The following ERBB4 variants were observed in gnomAD, a reference collection of about 807,000 sequenced individuals.
ERBB4 encodes the protein erb-b2 receptor tyrosine kinase 4, also known as receptor tyrosine-protein kinase erbB-4.
In ERBB4, 42 loss-of-function variants were observed where a neutral mutation model predicts 158.0. That is an observed-to-expected ratio of 0.27 (90% CI 0.21 to 0.34). The LOEUF is 0.34. ERBB4 is among the 10% of genes least tolerant of loss of function. The pLI, the probability that ERBB4 is intolerant of heterozygous loss-of-function variation, is 1.00. For synonymous variants in ERBB4, 583 were observed against 558.7 expected, an observed-to-expected ratio of 1.04 and a Z score of -0.61; for missense variants, 1,333 against 1,624.1, an observed-to-expected ratio of 0.82 and a Z score of 3.08.
chr2:212,015,073 TATATATATATATATATATA>T (rs2076490564), intron 2 of ERBB4, among the ~76,000 whole-genome samples: 1 of 1,178 alleles, frequency 8.5e-4, no homozygotes, highest in African/African-American at 1.0e-3. Context: ...TATATATATA[TATATATATATATATATATA>T]TATATATATA....
At chr2:212,065,683 G>T (rs1453559588) in intron 2 of ERBB4, among the ~76,000 whole-genome samples, 1 of 151,936 alleles carries the variant, frequency 6.6e-6, no homozygotes, top group Non-Finnish European at 1.5e-5. Flanking sequence ...TGTCTATAAT[G>T]ACTTAAACAG....
chr2:211,672,058 T>C (rs928432532), intron 14 of ERBB4, among the ~76,000 whole-genome samples: 5 of 152,188 alleles, frequency 3.3e-5, no homozygotes, highest in Admixed American at 6.5e-5. Context: ...GGTCGTCCTC[T>C]GAACTGGCCA....
intron 20 of ERBB4, among the ~76,000 whole-genome samples, chr2:211,520,388 G>C (rs976403789): frequency 6.6e-6 from 1 of 152,096 alleles, no homozygotes; most frequent in African/African-American, 2.4e-5. Flanking sequence ...CAATAAAGAA[G>C]AGATTATGTA....
intron 3 of ERBB4, among the ~76,000 whole-genome samples, chr2:211,946,576 C>CTTTTTTTTTTTTTTTTTTTTTTTT: frequency 2.0e-5 from 1 of 49,586 alleles, no homozygotes. Context: ...AATTAGCTCT[C>CTTTTTTTTTTTTTTTTTTTTTTTT]TTTTTTTTTT....
intron 20 of ERBB4, among the ~76,000 whole-genome samples, chr2:211,550,596 A>ATATATATATAT (rs2067063744): frequency 8.0e-6 from 1 of 124,440 alleles, no homozygotes; most frequent in Non-Finnish European, 1.6e-5. Flanking sequence ...TATATATATA[A>ATATATATATAT]ATATATAGAT....
intron 1 of ERBB4, among the ~76,000 whole-genome samples, chr2:212,273,578 T>G (rs1049863966): frequency 6.6e-6 from 1 of 151,836 alleles, no homozygotes; most frequent in Non-Finnish European, 1.5e-5. Context: ...ATTACTCATA[T>G]TTTAAAGATG....
chr2:212,171,885 A>T (rs138828470), intron 1 of ERBB4, among the ~76,000 whole-genome samples: 2 of 152,304 alleles, frequency 1.3e-5, no homozygotes, highest in East Asian at 3.9e-4. Flanking sequence ...TTAAGTCACC[A>T]AAAGCAATTG....
rs184722532 is a variant in ERBB4 at position 212,244,871 on chromosome 2, C to T, written c.83-119968G>A. Among the ~76,000 whole-genome samples, 6 of 152,218 alleles carry T rather than the reference C, an allele frequency of 3.9e-5. No individual in the cohort carries two copies. The East Asian group carries it at 1.2e-3, about 29-fold the overall frequency. On this transcript the variant is annotated intron_variant, in intron 1 of 27. Transcript: ENST00000342788. The stretch of plus-strand genomic sequence containing the variant: ...CTAGCTGACATTAATTAAGCACTTA[C>T]CACGTGCCAGACACACATTCTTACA...
chr2:212,245,590 G>A (rs1417687700), intron 1 of ERBB4, among the ~76,000 whole-genome samples: 1 of 152,080 alleles, frequency 6.6e-6, no homozygotes, highest in Non-Finnish European at 1.5e-5. Flanking sequence ...TAATTCTACT[G>A]TAAAAGGTGA....
chr2:212,379,035 C>T (rs1177393005), intron 1 of ERBB4, among the ~76,000 whole-genome samples: 2 of 151,612 alleles, frequency 1.3e-5, no homozygotes, highest in South Asian at 2.1e-4. Flanking sequence ...AATCAAAGTC[C>T]ACTTTCATTT....
At chr2:212,421,641 T>C (rs1024472487) in intron 1 of ERBB4, among the ~76,000 whole-genome samples, 3 of 152,186 alleles carry the variant, frequency 2.0e-5, no homozygotes, top group African/African-American at 7.2e-5. Context: ...TTTTCAAAAA[T>C]GTCTTTAAGA....
intron 1 of ERBB4, among the ~76,000 whole-genome samples, chr2:212,452,667 G>T (rs1480908264): frequency 1.3e-5 from 2 of 152,126 alleles, no homozygotes; most frequent in Non-Finnish European, 2.9e-5. Context: ...TATAAAAATA[G>T]AGCTTAGAAT....
intron 1 of ERBB4, among the ~76,000 whole-genome samples, chr2:212,171,535 A>G (rs2081519566): frequency 6.6e-6 from 1 of 152,124 alleles, no homozygotes; most frequent in South Asian, 2.1e-4. Context: ...CTGGGCCCCA[A>G]CAAGTCTCAT....
At chr2:211,563,796 C>T (rs186350072) in intron 19 of ERBB4, among the ~76,000 whole-genome samples, 124 of 152,068 alleles carry the variant, frequency 8.2e-4, no homozygotes, top group Admixed American at 4.8e-3. Context: ...TATATGTATA[C>T]GTATCTATGT....
intron 1 of ERBB4, among the ~76,000 whole-genome samples, chr2:212,426,918 G>T (rs200617357): frequency 6.6e-6 from 1 of 152,048 alleles, no homozygotes; most frequent in South Asian, 2.1e-4. Context: ...GTTTGCAAAC[G>T]GGATAAATAT....
chr2:212,056,253 A>G lies in ERBB4; in HGVS notation c.234+68499T>C, dbSNP rs192963689. ...AAAAAGAGTAAAAAGAAATGAACAAAGCCTCCAAGAAATATGGGACTATGT... is the reference window on the plus strand; with the variant it reads ...AAAAAGAGTAAAAAGAAATGAACAAGGCCTCCAAGAAATATGGGACTATGT... On this transcript the variant is annotated intron_variant, in intron 2 of 27. Transcript: ENST00000342788. Among the ~76,000 whole-genome samples the G allele has an allele frequency of 1.6e-4, 25 of 152,348 alleles. No individual in the cohort carries two copies. In the East Asian group the frequency reaches 4.4e-3, roughly 27 times the overall value.
chr2:212,230,778 G>A (rs577914517), intron 1 of ERBB4, among the ~76,000 whole-genome samples: 24 of 152,224 alleles, frequency 1.6e-4, no homozygotes, highest in African/African-American at 5.3e-4. Context: ...AAAATCAGGA[G>A]TTATAATACA....
intron 4 of ERBB4, among the ~76,000 whole-genome samples, chr2:211,774,908 T>A (rs577177189): frequency 1.1e-4 from 16 of 152,310 alleles, no homozygotes; most frequent in African/African-American, 3.6e-4. Context: ...TTCTGTTAAG[T>A]AATAGATTAG....
intron 2 of ERBB4, among the ~76,000 whole-genome samples, chr2:212,069,949 T>C (rs1431079826): frequency 6.9e-6 from 1 of 145,000 alleles, no homozygotes. Flanking sequence ...AAGAACCATG[T>C]CTTAAAAAAA....
Sources: gnomAD v4.1 joint callset for allele counts (sites outside exome capture counted in the v4.1 genomes callset) on GRCh38, gnomAD v4.1.1 for gene constraint, MANE v1.5 for transcripts, NCBI Gene and HGNC (gene_info 2026-07-23, HGNC 2026-07-21) for gene names.